CSMD1: variants seen among roughly 807,000 people sequenced by gnomAD.
The protein encoded by CSMD1 is CUB and Sushi multiple domains 1.
A neutral mutation model predicts 417.5 loss-of-function variants in CSMD1; 213 were observed. The observed-to-expected ratio is 0.51, with a 90% CI of 0.46 to 0.57. The LOEUF is 0.57. Ranked by LOEUF, CSMD1 falls within the 20% of genes least tolerant of loss-of-function variation. The probability of loss-of-function intolerance (pLI) is 0.00; values close to 1 mark genes in which losing one functional copy is unlikely to be tolerated. For missense variants in CSMD1, 6,923 were observed against 4,529.7 expected, an observed-to-expected ratio of 1.53 and a Z score of -15.17; for synonymous variants, 2,862 against 1,736.8, an observed-to-expected ratio of 1.65 and a Z score of -16.11.
intron 1 of CSMD1, among the ~76,000 whole-genome samples, chr8:4,934,185 G>T (rs549721261): frequency 3.9e-5 from 6 of 152,054 alleles, no homozygotes; most frequent in African/African-American, 1.4e-4. Context: ...AACAGAAGAG[G>T]CTGCCTGAGC....
At chr8:3,949,399 T>G (rs1161583066) in intron 5 of CSMD1, among the ~76,000 whole-genome samples, 1 of 152,206 alleles carries the variant, frequency 6.6e-6, no homozygotes, top group African/African-American at 2.4e-5. Flanking sequence ...CTTCTCAGAC[T>G]ATTCTAACTA....
intron 12 of CSMD1, among the ~76,000 whole-genome samples, chr8:3,448,025 C>A (rs1815410286): frequency 6.6e-6 from 1 of 151,958 alleles, no homozygotes; most frequent in Non-Finnish European, 1.5e-5. Flanking sequence ...CCTCCTAACC[C>A]TGGATACAAA....
intron 25 of CSMD1, among the ~76,000 whole-genome samples, chr8:3,302,840 T>C (rs990918664): frequency 1.3e-5 from 2 of 152,180 alleles, no homozygotes; most frequent in African/African-American, 4.8e-5. Flanking sequence ...GCTGGTGTTA[T>C]TTAACTAATC....
At chr8:4,281,005 T>A (rs546450346) in intron 3 of CSMD1, among the ~76,000 whole-genome samples, 12 of 152,158 alleles carry the variant, frequency 7.9e-5, no homozygotes, top group Non-Finnish European at 1.6e-4. Context: ...TTAAATGTAT[T>A]AAAATTAAGT....
In CSMD1 at chr8:4,101,745, A is replaced by AT. The variant is rs1407606954; in HGVS notation, c.416-69647dup. 2.6e-5 allele frequency among the ~76,000 whole-genome samples: 4 copies of AT among 152,354 alleles called. No homozygotes were observed. In the South Asian group the frequency reaches 6.2e-4, roughly 24 times the overall value. On this transcript the variant is annotated intron_variant, in intron 3 of 69. Transcript: ENST00000635120. ...AGGAGAAAAGCAAACTGGGCCAATGATAAGTGAAAGCTTTTGCTTAGGACA... is the reference window on the plus strand; with the variant it reads ...AGGAGAAAAGCAAACTGGGCCAATGATTAAGTGAAAGCTTTTGCTTAGGACA...
At chr8:3,386,004 TCTTA>T (rs1563334394) in intron 18 of CSMD1, among the ~76,000 whole-genome samples, 1 of 152,198 alleles carries the variant, frequency 6.6e-6, no homozygotes, top group Non-Finnish European at 1.5e-5. Context: ...TTGTCTAAAT[TCTTA>T]CTGTCTTTCC....
intron 27 of CSMD1, 87 bp downstream of exon 27, chr8:3,229,953 G>T: frequency 1.1e-6 from 1 of 932,654 alleles, no homozygotes. Flanking sequence ...AAATATTTCT[G>T]AAGAAATAAT....
intron 5 of CSMD1, among the ~76,000 whole-genome samples, chr8:3,840,053 A>C (rs1184731491): frequency 6.6e-6 from 1 of 152,112 alleles, no homozygotes; most frequent in Non-Finnish European, 1.5e-5. Flanking sequence ...CTCTGGGTTG[A>C]TTTTTTAATA....
intron 26 of CSMD1, among the ~76,000 whole-genome samples, chr8:3,242,612 T>C (rs544771643): frequency 9.6e-4 from 146 of 151,986 alleles, no homozygotes; most frequent in Non-Finnish European, 1.5e-3. Context: ...ATAAGGCATT[T>C]AGGTTTTAGG....
At position 3,098,065 on chromosome 8, in the gene CSMD1, A is replaced by C. The variant is rs896236192; in HGVS notation, c.6950-1028T>G. On this transcript the variant is annotated intron_variant, in intron 46 of 69. Transcript: ENST00000635120. Reference sequence around the variant, plus strand: ...AGCAAAACACTAGAGTCTCCTAATTAGTAATTTCTCTCATCACTGAATTAT... The same window carrying C: ...AGCAAAACACTAGAGTCTCCTAATTCGTAATTTCTCTCATCACTGAATTAT... 3.9e-5 allele frequency among the ~76,000 whole-genome samples: 6 copies of C among 152,264 alleles called. No homozygotes were observed. The South Asian group carries it at 1.2e-3, about 31-fold the overall frequency.
At chr8:4,731,888 C>A (rs1357498023) in intron 1 of CSMD1, among the ~76,000 whole-genome samples, 2 of 152,072 alleles carry the variant, frequency 1.3e-5, no homozygotes, top group Non-Finnish European at 2.9e-5. Flanking sequence ...CTAACTGTCT[C>A]TTCTAATATT....
chr8:4,776,615 C>T (rs992139188), intron 1 of CSMD1, among the ~76,000 whole-genome samples: 9 of 152,150 alleles, frequency 5.9e-5, no homozygotes, highest in South Asian at 2.1e-4. Flanking sequence ...CCTCCAGGTA[C>T]TATCACATAG....
intron 7 of CSMD1, among the ~76,000 whole-genome samples, chr8:3,653,308 T>A (rs1797951046): frequency 6.6e-6 from 1 of 151,442 alleles, no homozygotes; most frequent in African/African-American, 2.4e-5. Flanking sequence ...GTTATGGGGG[T>A]TCTTTTGTTG....
intron 2 of CSMD1, among the ~76,000 whole-genome samples, chr8:4,570,228 G>A (rs190877960): frequency 3.3e-5 from 5 of 152,250 alleles, no homozygotes; most frequent in East Asian, 1.9e-4. Flanking sequence ...GTTTTAAAAC[G>A]CAATGCTTCC....
chr8:3,953,034 G>C lies in CSMD1; in HGVS notation c.818+44869C>G, dbSNP rs185118694. Reference sequence around the variant, plus strand: ...AAAATACATGAGAAGGTTTACTAAAGACAAAATTATAATCAATGAAAAGAA... The same window carrying C: ...AAAATACATGAGAAGGTTTACTAAACACAAAATTATAATCAATGAAAAGAA... On this transcript the variant is annotated intron_variant, in intron 5 of 69. Transcript: ENST00000635120. Among the ~76,000 whole-genome samples the C allele has an allele frequency of 8.7e-4, 132 of 151,880 alleles. 1 individual carries two copies. The highest frequency in any genetic ancestry group is 3.0e-3 in the African/African-American group (123 of 41,488).
chr8:3,634,680 A>C (rs76094279), intron 7 of CSMD1, among the ~76,000 whole-genome samples: 2,645 of 152,252 alleles, frequency 0.017, 42 homozygotes, highest in South Asian at 0.048. Context: ...CATCCAACAA[A>C]TGAAATGAAA....
chr8:4,959,155 C>T (rs921015208), intron 1 of CSMD1, among the ~76,000 whole-genome samples: 4 of 152,188 alleles, frequency 2.6e-5, no homozygotes, highest in Non-Finnish European at 5.9e-5. Flanking sequence ...AGAAATTGCA[C>T]ATATCACTGG....
intron 1 of CSMD1, among the ~76,000 whole-genome samples, chr8:4,979,696 T>C (rs888288346): frequency 6.6e-6 from 1 of 152,352 alleles, no homozygotes; most frequent in Middle Eastern, 3.4e-3. Context: ...CAGAATTAAA[T>C]ATTCTGTAGT....
intron 30 of CSMD1, among the ~76,000 whole-genome samples, chr8:3,214,244 C>G (rs1797769640): frequency 6.6e-6 from 1 of 151,952 alleles, no homozygotes; most frequent in South Asian, 2.1e-4. Flanking sequence ...CACACAAAAA[C>G]AGAAGTGAAA....
Sources: gnomAD v4.1 joint callset for allele counts (sites outside exome capture counted in the v4.1 genomes callset) on GRCh38, gnomAD v4.1.1 for gene constraint, MANE v1.5 for transcripts, NCBI Gene and HGNC (gene_info 2026-07-23, HGNC 2026-07-21) for gene names.